Variants in OPHN1 observed in about 807,000 individuals in gnomAD.
The protein encoded by OPHN1 is oligophrenin-1.
OPHN1 carries 11 observed loss-of-function variants against 60.7 expected under a neutral mutation model. The ratio of observed to expected loss-of-function variants is 0.18; its 90% CI spans 0.11 to 0.30. The LOEUF (loss-of-function observed/expected upper bound fraction) is 0.30. OPHN1 is among the 10% of genes least tolerant of loss of function. The pLI is 1.00. For synonymous variants in OPHN1, 226 were observed against 222.6 expected, an observed-to-expected ratio of 1.02 and a Z score of -0.14; for missense variants, 449 against 611.0, an observed-to-expected ratio of 0.73 and a Z score of 2.80.
intron 2 of OPHN1, among the ~76,000 whole-genome samples, chrX:68,354,351 C>T (rs1391851186): frequency 3.0e-5 from 3 of 99,167 alleles, no homozygotes; most frequent in Non-Finnish European, 4.0e-5. Flanking sequence ...AGACCGAGAC[C>T]GAGTTCAAGA....
At chrX:68,124,944 A>G (rs1303550525) in intron 15 of OPHN1, among the ~76,000 whole-genome samples, 5 of 111,516 alleles carry the variant, frequency 4.5e-5, no homozygotes, top group Non-Finnish European at 9.4e-5. Flanking sequence ...AACTGCACCC[A>G]CCCATAAAGC....
At chrX:68,152,527 C>G (rs370548263) in intron 15 of OPHN1, among the ~76,000 whole-genome samples, 1 of 108,389 alleles carries the variant, frequency 9.2e-6, no homozygotes, top group African/African-American at 3.4e-5. Context: ...ACTGCAGCCT[C>G]GACCTCCCCA....
chrX:68,130,415 T>C (rs886300453), intron 15 of OPHN1, among the ~76,000 whole-genome samples: 1 of 111,877 alleles, frequency 8.9e-6, no homozygotes, highest in Non-Finnish European at 1.9e-5. Context: ...AATTATATTT[T>C]GGCAAATCTA....
chrX:68,082,381 T>C (rs1165765906), intron 19 of OPHN1, among the ~76,000 whole-genome samples: 1 of 112,570 alleles, frequency 8.9e-6, no homozygotes, highest in Non-Finnish European at 1.9e-5. Context: ...TCACTATCTA[T>C]GGGATCTAAA....
intron 2 of OPHN1, among the ~76,000 whole-genome samples, chrX:68,361,364 C>T (rs1206076919): frequency 9.3e-6 from 1 of 108,030 alleles, no homozygotes; most frequent in Non-Finnish European, 1.9e-5. Context: ...CCTGTAGTCC[C>T]AGCTACTCGG....
At chrX:68,354,422 C>A (rs1347778864) in intron 2 of OPHN1, among the ~76,000 whole-genome samples, 1 of 91,666 alleles carries the variant, frequency 1.1e-5, no homozygotes, top group Non-Finnish European at 2.1e-5. Flanking sequence ...CACTGCACTC[C>A]AGCCTGGGCG....
At chrX:68,219,788 G>C (rs1456407167) in intron 6 of OPHN1, among the ~76,000 whole-genome samples, 42 of 103,900 alleles carry the variant, frequency 4.0e-4, no homozygotes, top group African/African-American at 1.4e-3. Flanking sequence ...GCAGTGTGTA[G>C]AGGGAAATTT....
At chrX:68,402,905 C>T (rs937934795) in intron 2 of OPHN1, among the ~76,000 whole-genome samples, 1 of 111,579 alleles carries the variant, frequency 9.0e-6, no homozygotes, top group East Asian at 2.8e-4. Context: ...CATACTCACA[C>T]GTTAAAAGAT....
intron 12 of OPHN1, among the ~76,000 whole-genome samples, chrX:68,196,018 GAA>G (rs757835566): frequency 8.9e-6 from 1 of 112,130 alleles, no homozygotes; most frequent in East Asian, 2.8e-4. Flanking sequence ...TCACAAGCAT[GAA>G]AGAGTTCAGC....
intron 9 of OPHN1, among the ~76,000 whole-genome samples, chrX:68,208,911 A>G (rs994152125): frequency 8.9e-6 from 1 of 112,479 alleles, no homozygotes. Flanking sequence ...TGAAATGTCA[A>G]CAGCACTGAG....
intron 15 of OPHN1, among the ~76,000 whole-genome samples, chrX:68,174,270 T>C (rs1445418567): frequency 1.8e-5 from 2 of 110,466 alleles, no homozygotes; most frequent in Non-Finnish European, 3.8e-5. Flanking sequence ...TCAAGAAAAA[T>C]TTAAATGAGA....
intron 2 of OPHN1, among the ~76,000 whole-genome samples, chrX:68,378,251 A>G (rs1296301143): frequency 8.9e-6 from 1 of 111,956 alleles, no homozygotes; most frequent in Admixed American, 9.5e-5. Flanking sequence ...GTCTGTTCAT[A>G]TCCTTCACCC....
chrX:68,406,962 G>C (rs1013549052), intron 2 of OPHN1, among the ~76,000 whole-genome samples: 1 of 112,444 alleles, frequency 8.9e-6, no homozygotes, highest in Non-Finnish European at 1.9e-5. Flanking sequence ...CCAGCACTTT[G>C]GGAGGACAAG....
intron 2 of OPHN1, among the ~76,000 whole-genome samples, chrX:68,415,943 A>G (rs916559338): frequency 7.6e-5 from 8 of 105,910 alleles, no homozygotes; most frequent in African/African-American, 2.5e-4. Flanking sequence ...CGAACCCAGG[A>G]GGTGGAGGTT....
chrX:68,165,712 C>T (rs1025196632), intron 15 of OPHN1, among the ~76,000 whole-genome samples: 11 of 112,006 alleles, frequency 9.8e-5, no homozygotes, highest in Non-Finnish European at 1.9e-4. Flanking sequence ...TACATCGCCA[C>T]AGTGCTTCAA....
intron 2 of OPHN1, among the ~76,000 whole-genome samples, chrX:68,350,502 T>TCCTTCCTTCCTCCCTCCCTCCCTC (rs2078404421): frequency 1.2e-5 from 1 of 82,002 alleles, no homozygotes; most frequent in Non-Finnish European, 2.3e-5. Flanking sequence ...CTTCCTCCTT[T>TCCTTCCTTCCTCCCTCCCTCCCTC]CCTTCCTTCC....
chrX:68,281,787 C>T (rs1399640674), intron 4 of OPHN1, among the ~76,000 whole-genome samples: 3 of 111,927 alleles, frequency 2.7e-5, no homozygotes, highest in African/African-American at 9.7e-5. Flanking sequence ...AAGGATATAC[C>T]GATGGCAGTT....
At chrX:68,170,117 C>A (rs1168782003) in intron 15 of OPHN1, among the ~76,000 whole-genome samples, 11 of 110,256 alleles carry the variant, frequency 1.0e-4, no homozygotes, top group Non-Finnish European at 3.8e-5. Flanking sequence ...AAAAAGTGGG[C>A]GAAGGACACG....
At chrX:68,300,228 G>A (rs758788568) in intron 2 of OPHN1, among the ~76,000 whole-genome samples, 2 of 111,760 alleles carry the variant, frequency 1.8e-5, no homozygotes, top group African/African-American at 6.5e-5. Context: ...CTGAGCCTGA[G>A]TATTTGCTCT....
Sources: gnomAD v4.1 joint callset for allele counts (sites outside exome capture counted in the v4.1 genomes callset) on GRCh38, gnomAD v4.1.1 for gene constraint, MANE v1.5 for transcripts, NCBI Gene and HGNC (gene_info 2026-07-23, HGNC 2026-07-21) for gene names.